The following MINDY4 variants were observed in gnomAD, a reference collection of about 807,000 sequenced individuals.
The protein encoded by MINDY4 is MINDY lysine 48 deubiquitinase 4, also known as probable ubiquitin carboxyl-terminal hydrolase MINDY-4.
MINDY4 carries 68 observed loss-of-function variants against 87.0 expected under a neutral mutation model. That is an observed-to-expected ratio of 0.78 (90% CI 0.64 to 0.96). The LOEUF is 0.96. Among genes scored for constraint, MINDY4 ranks in the 40% least tolerant of loss-of-function variants. The pLI is 0.00. For missense variants in MINDY4, 919 were observed against 928.2 expected, an observed-to-expected ratio of 0.99 and a Z score of 0.13; for synonymous variants, 379 against 363.2, an observed-to-expected ratio of 1.04 and a Z score of -0.50.
chr7:30,849,680 C>T (rs1005909016), intron 9 of MINDY4, among the ~76,000 whole-genome samples: 4 of 152,202 alleles, frequency 2.6e-5, no homozygotes, highest in African/African-American at 7.2e-5. Flanking sequence ...CCCTTGGCCA[C>T]GGTCTCTGTT....
At chr7:30,811,422 A>G (rs988034758) in intron 5 of MINDY4, among the ~76,000 whole-genome samples, 30 of 152,202 alleles carry the variant, frequency 2.0e-4, no homozygotes, top group African/African-American at 7.2e-4. Context: ...CAAGTGTACT[A>G]TATCAGTCAC....
intron 15 of MINDY4, among the ~76,000 whole-genome samples, chr7:30,878,765 G>A (rs547642132): frequency 6.6e-6 from 1 of 151,964 alleles, no homozygotes; most frequent in South Asian, 2.1e-4. Flanking sequence ...AGTTCTGAAA[G>A]CTCCATCCTC....
intron 8 of MINDY4, among the ~76,000 whole-genome samples, 197 bp from the exon 9 acceptor site, chr7:30,840,563 A>ACAAAGGGTCTTGT (rs1788999520): frequency 6.6e-6 from 1 of 152,198 alleles, no homozygotes; most frequent in East Asian, 1.9e-4. Context: ...CTAGGAGTGG[A>ACAAAGGGTCTTGT]CAAAGGGTCT....
intron 17 of MINDY4, 123 bp downstream of exon 17, chr7:30,883,116 G>A (rs139114308): frequency 1.2e-5 from 11 of 900,640 alleles, no homozygotes; most frequent in Middle Eastern, 2.2e-4. Context: ...TCAAAGAGGT[G>A]TGGTGATTGG....
At chr7:30,783,701 T>A (rs1053366581) in intron 3 of MINDY4, among the ~76,000 whole-genome samples, 2 of 152,208 alleles carry the variant, frequency 1.3e-5, no homozygotes, top group Non-Finnish European at 2.9e-5. Flanking sequence ...TATTTTCCTG[T>A]TGAGGCTGTG....
intron 13 of MINDY4, among the ~76,000 whole-genome samples, chr7:30,861,851 C>T (rs1419457661): frequency 6.6e-6 from 1 of 152,242 alleles, no homozygotes; most frequent in Non-Finnish European, 1.5e-5. Context: ...GGATGTCCGG[C>T]AATTCCTGAT....
chr7:30,889,861 A>C (rs1790745085), intron 17 of MINDY4, among the ~76,000 whole-genome samples: 1 of 152,196 alleles, frequency 6.6e-6, no homozygotes, highest in African/African-American at 2.4e-5. Context: ...GATCTCACCA[A>C]GGTAGTTCTT....
chr7:30,852,130 T>C, intron 10 of MINDY4, 86 bp from the exon 11 acceptor site: 1 of 1,473,836 alleles, frequency 6.8e-7, no homozygotes, highest in Non-Finnish European at 9.3e-7. Flanking sequence ...TTTGTCCTTA[T>C]TTAATGACAC....
intron 11 of MINDY4, chr7:30,852,492 C>T (rs1562554354): frequency 1.6e-5 from 7 of 450,286 alleles, no homozygotes; most frequent in Non-Finnish European, 2.1e-5. Context: ...AAAAGGCTGA[C>T]TGGCTTCCTG....
At chr7:30,792,257 ATTATC>A (rs1490408412) in intron 5 of MINDY4, among the ~76,000 whole-genome samples, 1 of 152,202 alleles carries the variant, frequency 6.6e-6, no homozygotes, top group Non-Finnish European at 1.5e-5. Context: ...GCTATGATAT[ATTATC>A]TTTTTATATA....
intron 5 of MINDY4, among the ~76,000 whole-genome samples, chr7:30,801,431 C>T (rs1787647322): frequency 6.6e-6 from 1 of 152,100 alleles, no homozygotes; most frequent in East Asian, 1.9e-4. Flanking sequence ...ACCTTCTTAA[C>T]CTGTTCTGGG....
chr7:30,850,614 A>G (rs1380164368), intron 10 of MINDY4, 59 bp downstream of exon 10: 2 of 1,465,482 alleles, frequency 1.4e-6, no homozygotes, highest in Admixed American at 1.9e-5. Context: ...GCTGCCGGCA[A>G]GCTGGCTGTG....
At chr7:30,880,216 G>T (rs1229121101) in intron 15 of MINDY4, among the ~76,000 whole-genome samples, 1 of 151,736 alleles carries the variant, frequency 6.6e-6, no homozygotes, top group Non-Finnish European at 1.5e-5. Flanking sequence ...CGCCCTAGAA[G>T]ATTAAGTAAT....
At chr7:30,815,035 G>A (rs1159106163) in intron 5 of MINDY4, among the ~76,000 whole-genome samples, 5 of 152,192 alleles carry the variant, frequency 3.3e-5, no homozygotes, top group African/African-American at 1.2e-4. Context: ...TCAGCCTCTC[G>A]TTGGTGCAGC....
Position 30,891,963 on chromosome 7 carries a change from G to A in MINDY4, c.2232G>A (p.Lys744=), listed in dbSNP as rs1417910762. 3.1e-6 allele frequency: 5 copies of A among 1,614,024 alleles called. No individual in the cohort carries two copies. Among genetic ancestry groups the A allele is most frequent in the African/African-American group, 1.3e-5 (1 of 74,916 alleles). The part of the protein sequence containing the change: ...PLELCIRTKW[K]GASVNWNGSD... The stretch of plus-strand genomic sequence containing the variant: ...CTCCTCACTCTACGCTTAGGTGGAA[G>A]GGGGCATCAGTGAACTGGAACGGCT... Residue 744 remains lysine, a synonymous_variant, in exon 18 of 18, where the codon AAG becomes AAA. Transcript: ENST00000265299.
intron 9 of MINDY4, among the ~76,000 whole-genome samples, chr7:30,846,830 C>T (rs1252902553): frequency 2.0e-5 from 3 of 152,158 alleles, no homozygotes; most frequent in South Asian, 2.1e-4. Flanking sequence ...TCATAAGGAG[C>T]GCGCAACCTA....
At chr7:30,871,228 G>C in intron 13 of MINDY4, among the ~76,000 whole-genome samples, 1 of 152,218 alleles carries the variant, frequency 6.6e-6, no homozygotes, top group Non-Finnish European at 1.5e-5. Flanking sequence ...GCTTCTCTGT[G>C]CTTCTTCCCA....
rs1342814252 is a variant in MINDY4 at position 30,815,761 on chromosome 7, C to T, written c.1074-12918C>T. 1.3e-5 allele frequency among the ~76,000 whole-genome samples: 2 copies of T among 152,152 alleles called. 1 individual carries two copies. On this transcript the variant is annotated intron_variant, in intron 5 of 17. Coordinates refer to ENST00000265299, the MANE Select transcript of MINDY4 (RefSeq NM_032222.3). Reference sequence around the variant, plus strand: ...GTTGAGCAACTCCTGCCTCTTGTACCAGTCACCTTTTGGAGCTGACTTCAG... The same window carrying T: ...GTTGAGCAACTCCTGCCTCTTGTACTAGTCACCTTTTGGAGCTGACTTCAG...
intron 5 of MINDY4, among the ~76,000 whole-genome samples, chr7:30,809,406 A>G (rs554370533): frequency 1.3e-5 from 2 of 151,708 alleles, no homozygotes; most frequent in Non-Finnish European, 1.5e-5. Flanking sequence ...AGGATGATTT[A>G]ATATTAACCA....
Sources: allele counts gnomAD v4.1 joint callset (sites outside exome capture counted in the v4.1 genomes callset), GRCh38; gene constraint gnomAD v4.1.1; transcripts MANE v1.5; gene names NCBI Gene and HGNC (gene_info 2026-07-23, HGNC 2026-07-21).